Variants in DNAJC10 observed in about 807,000 individuals in gnomAD.
DNAJC10 encodes DnaJ heat shock protein family (Hsp40) member C10, also known as endoplasmic reticulum disulfide reductase DNAJC10.
A neutral mutation model predicts 115.0 loss-of-function variants in DNAJC10; 101 were observed. The observed-to-expected ratio is 0.88, with a 90% CI of 0.75 to 1.04. The LOEUF (loss-of-function observed/expected upper bound fraction) is 1.04, where lower values mean the gene tolerates loss of function less well. DNAJC10 is among the 50% of genes least tolerant of loss of function. The probability of loss-of-function intolerance (pLI) is 0.00; values close to 1 mark genes in which losing one functional copy is unlikely to be tolerated. For synonymous variants in DNAJC10, 307 were observed against 301.5 expected (o/e 1.02, Z -0.19); for missense variants, 981 against 928.8 (o/e 1.06, Z -0.73).
At chr2:182,777,088 C>A in intron 23 of DNAJC10, 33 bp from the exon 24 acceptor site, 1 of 1,338,078 alleles carries the variant, frequency 7.5e-7, no homozygotes, top group Non-Finnish European at 1.0e-6. Flanking sequence ...CATACTTTCT[C>A]CTTTCTCTAT....
At chr2:182,751,603 C>G in intron 14 of DNAJC10, 55 bp from the exon 15 acceptor site, 1 of 1,573,110 alleles carries the variant, frequency 6.4e-7, no homozygotes, top group Non-Finnish European at 8.7e-7. Flanking sequence ...TGAAATGTCT[C>G]TGTGCATACA....
rs769043814 is a variant in DNAJC10, at chr2:182,728,624, C to G, written c.467C>G (p.Pro156Arg). 1 of 1,612,888 alleles carries G rather than the reference C, an allele frequency of 6.2e-7. No homozygotes were observed. Among genetic ancestry groups the G allele is most frequent in the South Asian group, 1.1e-5 (1 of 90,740 alleles). The change falls in exon 6 of 24, where the codon CCA (proline) becomes CGA (arginine). Residue 156 changes from proline to arginine, a missense_variant. Coordinates refer to ENST00000264065, the MANE Select transcript of DNAJC10 (RefSeq NM_018981.4). ...GELWFVNFYS[P>R]GCSHCHDLAP... ...CTGTGGTTTGTAAATTTTTACTCCC[C>G]AGGCTGTTCACACTGCCATGATTTA...
chr2:182,748,125 A>C (rs527698392), intron 14 of DNAJC10, among the ~76,000 whole-genome samples: 1 of 145,444 alleles, frequency 6.9e-6, no homozygotes, highest in Non-Finnish European at 1.5e-5. Context: ...TGCTGGATTC[A>C]GTTTGCCAGT....
chr2:182,728,974 T>C lies in DNAJC10; in HGVS notation c.613T>C (p.Phe205Leu), dbSNP rs775559622. 3.7e-6 allele frequency: 6 copies of C among 1,613,970 alleles called. No individual in the cohort carries two copies. Among genetic ancestry groups the C allele is most frequent in the African/African-American group, 2.7e-5 (2 of 74,940 alleles). Residue 205 changes from phenylalanine to leucine, a missense_variant, in exon 7 of 24, where the codon TTC becomes CTC. By Grantham distance (22) the Phe-to-Leu change is conservative. Transcript: ENST00000264065. Reference protein sequence around the residue: ...MKGVNSYPSLFIFRSGMAPVK... With the variant: ...MKGVNSYPSLLIFRSGMAPVK... ...AGGAGTCAACAGCTATCCCAGCCTC[T>C]TCATTTTTCGGTCTGGAATGGTAAG...
chr2:182,723,739 G>GAAT (rs1355497756), intron 5 of DNAJC10, among the ~76,000 whole-genome samples: 2 of 152,192 alleles, frequency 1.3e-5, no homozygotes, highest in African/African-American at 4.8e-5. Context: ...AGTCTACCTA[G>GAAT]AATGAGACTT....
intron 3 of DNAJC10, among the ~76,000 whole-genome samples, chr2:182,719,529 G>A (rs1693090843): frequency 6.6e-6 from 1 of 151,804 alleles, no homozygotes. Context: ...TACTGGGATC[G>A]ATTTTGGGGT....
chr2:182,768,893 G>A lies in DNAJC10; in HGVS notation c.2265+6092G>A, dbSNP rs1694484881. Among the ~76,000 whole-genome samples, 3 of 152,212 alleles carry A rather than the reference G, an allele frequency of 2.0e-5. No individual in the cohort carries two copies. In the South Asian group the frequency reaches 6.2e-4, roughly 32 times the overall value. Reference sequence around the variant, plus strand: ...CACAATGTGCAGGTTTGATACATAGGTATACATGTGTCGTGTTGGTTTGCT... The same window carrying A: ...CACAATGTGCAGGTTTGATACATAGATATACATGTGTCGTGTTGGTTTGCT... On this transcript the variant is annotated intron_variant, in intron 22 of 23. Coordinates refer to ENST00000264065, the MANE Select transcript of DNAJC10 (RefSeq NM_018981.4).
At chr2:182,747,504 G>T (rs1193220773) in intron 14 of DNAJC10, among the ~76,000 whole-genome samples, 2 of 149,806 alleles carry the variant, frequency 1.3e-5, no homozygotes, top group Non-Finnish European at 3.0e-5. Flanking sequence ...TTGTGAATGG[G>T]AGTTCACTCA....
rs1694943787 is a variant in DNAJC10 at position 182,786,266 on chromosome 2, G to A, written c.*9134G>A. On this transcript the variant is annotated 3_prime_UTR_variant, in exon 24 of 24. Transcript: ENST00000264065. ...GTAGAAAAGTTACAGGATAAAAATG[G>A]AATTGGTTGGCACTAAGTAGGACCA... The A allele has an allele frequency of 6.6e-6, 1 of 152,146 alleles. No individual in the cohort carries two copies. The highest frequency in any genetic ancestry group is 2.4e-5 in the African/African-American group (1 of 41,436). 9.4% of individuals were successfully genotyped at this position (152,146 alleles called of 1,614,324 possible).
At position 182,783,894 on chromosome 2, in the gene DNAJC10, C is replaced by G. The variant is rs1694899692; in HGVS notation, c.*6762C>G. ...CATGATCTATCAAAAGGCCTATAAT[C>G]TCAATCTTCATGTTAAGACTTTGGA... is the stretch of plus-strand genomic sequence containing the variant. On this transcript the variant is annotated 3_prime_UTR_variant, in exon 24 of 24. Transcript: ENST00000264065. 2 of 152,110 alleles carry G rather than the reference C, an allele frequency of 1.3e-5. No individual in the cohort carries two copies. The highest frequency in any genetic ancestry group is 2.9e-5 in the Non-Finnish European group (2 of 68,026). 9.4% of individuals were successfully genotyped at this position (152,110 alleles called of 1,614,324 possible).
intron 22 of DNAJC10, among the ~76,000 whole-genome samples, chr2:182,763,021 A>G (rs1490888157): frequency 6.6e-6 from 1 of 152,132 alleles, no homozygotes; most frequent in Non-Finnish European, 1.5e-5. Flanking sequence ...TAACATTTTT[A>G]TACTAATGAA....
At chr2:182,747,052 G>A (rs1054482877) in intron 14 of DNAJC10, among the ~76,000 whole-genome samples, 26 of 151,980 alleles carry the variant, frequency 1.7e-4, no homozygotes, top group Non-Finnish European at 2.6e-4. Context: ...TATATGCGGC[G>A]TTATTTCTGA....
chr2:182,775,244 A>G lies in DNAJC10; in HGVS notation c.2266-72A>G. On this transcript the variant is annotated intron_variant, in intron 22 of 23. Transcript: ENST00000264065. ...ACAAAAGAACTTGAAAGCATATTTA[A>G]TCAAGTTTCTTAGGTGGAAATGTTA... is the stretch of plus-strand genomic sequence containing the variant. 6 of 959,010 alleles carry G rather than the reference A, an allele frequency of 6.3e-6. No individual in the cohort carries two copies. The South Asian group carries it at 9.3e-5, about 15-fold the overall frequency. The allele number at this position is 959,010 out of a possible 1,614,324, so 59.4% of individuals were successfully genotyped here. A position where few individuals can be genotyped will look rare whatever the true frequency, so the allele number is the denominator to read the frequency against.
chr2:182,777,398 TTTG>T lies in DNAJC10; in HGVS notation c.*269_*271del, dbSNP rs1435971824. On this transcript the variant is annotated 3_prime_UTR_variant, in exon 24 of 24. Coordinates refer to ENST00000264065, the MANE Select transcript of DNAJC10 (RefSeq NM_018981.4). ...ACAAGAATAGAGTCATCATGTATTC[TTTG>T]TTATTTGCTTTTAACAACCTTTAAA... is the stretch of plus-strand genomic sequence containing the variant. 1 of 264,246 alleles carries T rather than the reference TTTG, an allele frequency of 3.8e-6. No individual in the cohort carries two copies. 16.4% of individuals were successfully genotyped at this position (264,246 alleles called of 1,614,324 possible).
chr2:182,737,690 TA>T (rs1358705673), intron 11 of DNAJC10, among the ~76,000 whole-genome samples: 1 of 152,188 alleles, frequency 6.6e-6, no homozygotes, highest in Non-Finnish European at 1.5e-5. Flanking sequence ...CTTAGGATAT[TA>T]GTCAGTGTCT....
intron 22 of DNAJC10, among the ~76,000 whole-genome samples, chr2:182,763,801 C>G (rs1694345559): frequency 6.6e-6 from 1 of 152,152 alleles, no homozygotes; most frequent in South Asian, 2.1e-4. Context: ...GCAAGGTAAA[C>G]TTCTATTGTT....
intron 11 of DNAJC10, chr2:182,739,477 ACT>A: frequency 2.7e-6 from 3 of 1,105,682 alleles, no homozygotes; most frequent in South Asian, 3.6e-5. Flanking sequence ...CATATATTAA[ACT>A]CTGTTTTGTC....
Position 182,780,318 on chromosome 2 carries a change from G to GTGTT in DNAJC10, c.*3188_*3191dup, listed in dbSNP as rs1694816374. 2 of 152,224 alleles carry GTGTT rather than the reference G, an allele frequency of 1.3e-5. No individual in the cohort carries two copies. Among genetic ancestry groups the GTGTT allele is most frequent in the Admixed American group, 1.3e-4 (2 of 15,276 alleles). 9.4% of individuals were successfully genotyped at this position (152,224 alleles called of 1,614,324 possible). On this transcript the variant is annotated 3_prime_UTR_variant, in exon 24 of 24. Coordinates refer to ENST00000264065, the MANE Select transcript of DNAJC10 (RefSeq NM_018981.4). ...TCCCCAGTGGTAATGAGTTCCTGCT[G>GTGTT]TGTTTATTCCTGCAAGAGCTGGTTG...
At chr2:182,731,176 A>G (rs1394411691) in intron 9 of DNAJC10, 69 bp downstream of exon 9, 2 of 1,128,542 alleles carry the variant, frequency 1.8e-6, no homozygotes. Flanking sequence ...AGTTTTAAGT[A>G]TGCTACTGTA....
Sources: allele counts gnomAD v4.1 joint callset (sites outside exome capture counted in the v4.1 genomes callset), GRCh38; gene constraint gnomAD v4.1.1; transcripts MANE v1.5; gene names NCBI Gene and HGNC (gene_info 2026-07-23, HGNC 2026-07-21).